The following BRAP variants were observed in gnomAD, a reference collection of about 807,000 sequenced individuals.
The protein encoded by BRAP is BRCA1 associated protein, also known as BRCA1-associated protein.
Under a neutral mutation model 73.4 loss-of-function variants are expected in BRAP, and 42 were observed. The ratio of observed to expected loss-of-function variants is 0.57; its 90% CI spans 0.45 to 0.74. The LOEUF is 0.74. Among genes scored for constraint, BRAP ranks in the 30% least tolerant of loss-of-function variants. The pLI is 0.00. For missense variants in BRAP, 593 were observed against 751.4 expected (o/e 0.79, Z 2.46); for synonymous variants, 255 against 267.4 (o/e 0.95, Z 0.45).
Position 111,681,714 on chromosome 12 carries a change from A to G in BRAP, c.366T>C (p.Leu122=). ...NAAPDSPSKQ[L]PDQISFFSGN... Reference sequence around the variant, plus strand: ...CACTGAAGAATGAAATCTGGTCTGGAAGCTGTTTGGACGGAGAATCTGGGG... The same window carrying G: ...CACTGAAGAATGAAATCTGGTCTGGGAGCTGTTTGGACGGAGAATCTGGGG... Residue 122 remains leucine (L), a synonymous_variant, in exon 3 of 12, where the codon CTT becomes CTC. Transcript: ENST00000419234. 3.7e-6 allele frequency: 6 copies of G among 1,614,114 alleles called. No homozygotes were observed. Among genetic ancestry groups the G allele is most frequent in the Non-Finnish European group, 5.1e-6 (6 of 1,180,008 alleles).
chr12:111,677,224 C>T (rs954726688), intron 4 of BRAP, among the ~76,000 whole-genome samples: 3 of 152,154 alleles, frequency 2.0e-5, no homozygotes, highest in Non-Finnish European at 2.9e-5. Flanking sequence ...CAGACTATTT[C>T]AAAAGCCTGA....
rs1197454674 is a variant in BRAP at position 111,665,871 on chromosome 12, C to T, written c.748-84G>A. The T allele has an allele frequency of 4.5e-6, 7 of 1,552,680 alleles. No homozygotes were observed. In the Admixed American group the frequency reaches 7.0e-5, roughly 16 times the overall value. On this transcript the variant is annotated intron_variant, in intron 5 of 11. Coordinates refer to ENST00000419234, the MANE Select transcript of BRAP (RefSeq NM_006768.5). The surrounding 1 kb of genome is among the most constrained non-coding windows in gnomAD (Gnocchi z 4.3). ...CCTTCTTTTTTCTGAGACAGGGTCT[C>T]GCTCTCTGTCACCCACGCTGGAGCC...
chr12:111,651,221 AGC>A (rs1368988925), intron 10 of BRAP, among the ~76,000 whole-genome samples: 223 of 137,018 alleles, frequency 1.6e-3, no homozygotes, highest in African/African-American at 7.1e-3. Context: ...TAATAGCACT[AGC>A]TTTAATAATA....
At position 111,659,194 on chromosome 12, in the gene BRAP, G is replaced by A. The variant is rs560139531; in HGVS notation, c.1111+13C>T. 1.2e-6 allele frequency: 2 copies of A among 1,611,392 alleles called. No individual in the cohort carries two copies. Among genetic ancestry groups the A allele is most frequent in the East Asian group, 4.5e-5 (2 of 44,812 alleles). ...CAGAATGAGTCCAAATTAGAAAAGA[G>A]AGTGGTATTCACCTCCAGCATAGTC... On this transcript the variant is annotated intron_variant, in intron 8 of 11. Transcript: ENST00000419234.
intron 4 of BRAP, among the ~76,000 whole-genome samples, chr12:111,674,677 G>A (rs1044249480): frequency 2.2e-4 from 34 of 152,290 alleles, no homozygotes; most frequent in South Asian, 1.0e-3. Context: ...AAAATAATCC[G>A]TGTATTGAGC....
chr12:111,677,637 T>C (rs140381607), intron 4 of BRAP, among the ~76,000 whole-genome samples: 2 of 152,298 alleles, frequency 1.3e-5, no homozygotes, highest in African/African-American at 4.8e-5. Context: ...TTGGATATTA[T>C]CATCATTATC....
At chr12:111,681,562 A>C in intron 3 of BRAP, 75 bp downstream of exon 3, 1 of 1,260,480 alleles carries the variant, frequency 7.9e-7, no homozygotes, top group South Asian at 1.4e-5. Flanking sequence ...CTTCAGGACA[A>C]GAGACTATGC....
In BRAP at chr12:111,685,696, GGCCGCGGGAC is replaced by G. The variant is rs767871237; in HGVS notation, c.82+5_82+14del. ...GACCCGGCTACAGGGAATGCGGCGA[GGCCGCGGGAC>G]TCACCCGCGGCGCTGAAGCCGAAGC... On this transcript the variant is annotated splice_donor_5th_base_variant and intron_variant, in intron 1 of 11. Coordinates refer to ENST00000419234, the MANE Select transcript of BRAP (RefSeq NM_006768.5). 8 of 1,598,550 alleles carry G rather than the reference GGCCGCGGGAC, an allele frequency of 5.0e-6. No homozygotes were observed. In the South Asian group the frequency reaches 8.9e-5, roughly 18 times the overall value.
At chr12:111,650,798 T>C (rs1886288719) in intron 10 of BRAP, among the ~76,000 whole-genome samples, 1 of 152,196 alleles carries the variant, frequency 6.6e-6, no homozygotes, top group African/African-American at 2.4e-5. Flanking sequence ...TTTTCATGTA[T>C]CATGAAGCCA....
At position 111,659,286 on chromosome 12, in the gene BRAP, A is replaced by G; in HGVS notation, c.1032T>C (p.His344=). The change falls in exon 8 of 12, where the codon CAT becomes CAC. Residue 344 remains histidine (H), a synonymous_variant. Coordinates refer to ENST00000419234, the MANE Select transcript of BRAP (RefSeq NM_006768.5). ...GCGTTTCCTCAAAGTGCTTATAAGCATGTCGACTGACATACCGTCCACATC... is the reference window on the plus strand; with the variant it reads ...GCGTTTCCTCAAAGTGCTTATAAGCGTGTCGACTGACATACCGTCCACATC... ...HIGCGRYVSR[H]AYKHFEETQH... is the part of the protein sequence containing the mutation. 2 of 1,614,156 alleles carry G rather than the reference A, an allele frequency of 1.2e-6. No individual in the cohort carries two copies. Among genetic ancestry groups the G allele is most frequent in the Middle Eastern group, 1.6e-4 (1 of 6,062 alleles).
chr12:111,656,984 A>T (rs948528491), intron 9 of BRAP, among the ~76,000 whole-genome samples: 1 of 152,160 alleles, frequency 6.6e-6, no homozygotes, highest in East Asian at 1.9e-4. Context: ...TCAAGCGATC[A>T]AGCCTTGCCC....
intron 3 of BRAP, among the ~76,000 whole-genome samples, chr12:111,679,984 G>T (rs934691716): frequency 6.6e-6 from 1 of 150,532 alleles, no homozygotes; most frequent in Non-Finnish European, 1.5e-5. Flanking sequence ...ATATACGAGA[G>T]AATTCTGTCT....
At chr12:111,657,245 T>C (rs914338017) in intron 9 of BRAP, among the ~76,000 whole-genome samples, 1 of 152,084 alleles carries the variant, frequency 6.6e-6, no homozygotes, top group Admixed American at 6.5e-5. Context: ...GGTTTCACCA[T>C]GTTGGCCAGG....
chr12:111,662,575 A>T (rs899199341), intron 6 of BRAP, among the ~76,000 whole-genome samples: 4 of 152,124 alleles, frequency 2.6e-5, no homozygotes, highest in African/African-American at 9.7e-5. Context: ...AACTAGTAAC[A>T]GTTACCCAAC....
In BRAP at chr12:111,655,665, T is replaced by TA. The variant is rs1886501355; in HGVS notation, c.1222-11dup. The TA allele has an allele frequency of 6.3e-7, 1 of 1,597,820 alleles. No individual in the cohort carries two copies. The highest frequency in any genetic ancestry group is 1.1e-5 in the South Asian group (1 of 90,732). On this transcript the variant is annotated splice_polypyrimidine_tract_variant and intron_variant, in intron 9 of 11. Transcript: ENST00000419234. ...TTAGTAAATATGAATACTAGAAACA[T>TA]AGAGAATAAAGACCAAAATGTAAGT...
chr12:111,683,402 GCCTTC>G, intron 1 of BRAP, 95 bp from the exon 2 acceptor site: 1 of 1,382,226 alleles, frequency 7.2e-7, no homozygotes. Flanking sequence ...TCTTTCTCCT[GCCTTC>G]CGCCAAGATG....
intron 7 of BRAP, among the ~76,000 whole-genome samples, chr12:111,660,090 GA>G (rs1248141664): frequency 8.1e-5 from 12 of 148,862 alleles, no homozygotes; most frequent in Non-Finnish European, 1.5e-4. Context: ...AAAAGAAAAA[GA>G]AAAAGAAAAA....
At chr12:111,667,706 A>AAAAAAAAAAAAAAAAAC (rs1381256040) in intron 5 of BRAP, among the ~76,000 whole-genome samples, 1 of 142,102 alleles carries the variant, frequency 7.0e-6, no homozygotes, top group Non-Finnish European at 1.5e-5. Flanking sequence ...CTCAAAAAAA[A>AAAAAAAAAAAAAAAAAC]AAAAAAAAAA....
In BRAP at chr12:111,642,965, G is replaced by A. The variant is rs181693731; in HGVS notation, c.*1234C>T. On this transcript the variant is annotated 3_prime_UTR_variant, in exon 12 of 12. Transcript: ENST00000419234. ...CTGAAATGTGATCATTTGAAAACCTGTGGCTAATTATAAAGCAAAAACTAA... is the reference window on the plus strand; with the variant it reads ...CTGAAATGTGATCATTTGAAAACCTATGGCTAATTATAAAGCAAAAACTAA... 6.6e-6 allele frequency: 1 copy of A among 152,330 alleles called. No homozygotes were observed. The highest frequency in any genetic ancestry group is 1.9e-4 in the East Asian group (1 of 5,184). The allele number at this position is 152,330 out of a possible 1,614,324, so 9.4% of individuals were successfully genotyped here.
Sources: allele counts gnomAD v4.1 joint callset (sites outside exome capture counted in the v4.1 genomes callset), GRCh38; gene constraint gnomAD v4.1.1; non-coding constraint Gnocchi (gnomAD v3.1); transcripts MANE v1.5; gene names NCBI Gene and HGNC (gene_info 2026-07-23, HGNC 2026-07-21).